The following GRIN2B variants were observed in gnomAD, a reference collection of about 807,000 sequenced individuals.
GRIN2B encodes glutamate receptor ionotropic, NMDA 2B.
Under a neutral mutation model 114.5 loss-of-function variants are expected in GRIN2B, and 5 were observed. That is an observed-to-expected ratio of 0.04 (90% CI 0.02 to 0.09). GRIN2B has a LOEUF of 0.09. GRIN2B is among the 10% of genes least tolerant of loss of function. The probability of loss-of-function intolerance (pLI) is 1.00; values close to 1 mark genes in which losing one functional copy is unlikely to be tolerated. For synonymous variants in GRIN2B, 787 were observed against 745.1 expected, an observed-to-expected ratio of 1.06 and a Z score of -0.92; for missense variants, 1,108 against 1,943.5, an observed-to-expected ratio of 0.57 and a Z score of 8.08.
At chr12:13,856,168 T>C (rs952672944) in intron 3 of GRIN2B, among the ~76,000 whole-genome samples, 1 of 152,088 alleles carries the variant, frequency 6.6e-6, no homozygotes, top group Non-Finnish European at 1.5e-5. Context: ...AAGAGGACAT[T>C]CTAAGAAGAG....
intron 3 of GRIN2B, among the ~76,000 whole-genome samples, chr12:13,801,376 T>G (rs1864509964): frequency 6.6e-6 from 1 of 152,116 alleles, no homozygotes; most frequent in South Asian, 2.1e-4. Flanking sequence ...CATCCCTATA[T>G]CTTTCTCTAC....
chr12:13,972,420 A>C (rs1862938566), intron 2 of GRIN2B, among the ~76,000 whole-genome samples: 1 of 96,690 alleles, frequency 1.0e-5, no homozygotes, highest in African/African-American at 2.7e-5. Flanking sequence ...CTGACTCCTA[A>C]GACCACCACC....
Position 13,938,862 on chromosome 12 carries a change from AT to A in GRIN2B, c.-19+41065del, listed in dbSNP as rs552177976. On this transcript the variant is annotated intron_variant, in intron 2 of 13. Transcript: ENST00000609686. Reference sequence around the variant, plus strand: ...AAAGTCATGGACCTGTACACTTAAAATACGTAAATTTTTGTGGCAATTTTAC... The same window carrying A: ...AAAGTCATGGACCTGTACACTTAAAAACGTAAATTTTTGTGGCAATTTTAC... 4.9e-4 allele frequency among the ~76,000 whole-genome samples: 75 copies of A among 152,346 alleles called. No individual in the cohort carries two copies. The South Asian group carries it at 0.015, about 31-fold the overall frequency.
At chr12:13,869,254 T>C (rs1313671265) in intron 2 of GRIN2B, among the ~76,000 whole-genome samples, 1 of 149,680 alleles carries the variant, frequency 6.7e-6, no homozygotes, top group Non-Finnish European at 1.5e-5. Context: ...TTTTTTTTTT[T>C]TTTTGGTGGG....
Position 13,576,245 on chromosome 12 carries a change from G to A in GRIN2B, c.2011-4281C>T, listed in dbSNP as rs187245210. ...TTTAGGGAGGCCCGTGGGGAAGAAG[G>A]AAAAATAATTTCCAAATATCCTGAT... On this transcript the variant is annotated intron_variant, in intron 10 of 13. Transcript: ENST00000609686. Among the ~76,000 whole-genome samples, 1,416 of 152,244 alleles carry A rather than the reference G, an allele frequency of 9.3e-3. 12 individuals are homozygous for A. Among genetic ancestry groups the A allele is most frequent in the Non-Finnish European group, 0.015 (987 of 68,008 alleles).
intron 2 of GRIN2B, among the ~76,000 whole-genome samples, chr12:13,930,150 C>CT (rs1866999994): frequency 6.6e-6 from 1 of 152,132 alleles, no homozygotes. Flanking sequence ...TGCCATTGCA[C>CT]TCCAGCCTGG....
chr12:13,873,066 T>TA (rs1565570740), intron 2 of GRIN2B, among the ~76,000 whole-genome samples: 2 of 152,208 alleles, frequency 1.3e-5, no homozygotes, highest in African/African-American at 4.8e-5. Flanking sequence ...TCTGAACCTA[T>TA]AATGAAACTG....
At chr12:13,642,590 C>G (rs1210354721) in intron 5 of GRIN2B, among the ~76,000 whole-genome samples, 2 of 152,198 alleles carry the variant, frequency 1.3e-5, no homozygotes, top group Non-Finnish European at 2.9e-5. Context: ...AAGATTACAA[C>G]TTCAAACACA....
intron 4 of GRIN2B, among the ~76,000 whole-genome samples, chr12:13,690,838 T>C (rs566892200): frequency 1.3e-5 from 2 of 152,294 alleles, no homozygotes; most frequent in East Asian, 1.9e-4. Flanking sequence ...ACTCAAAGCA[T>C]TGGGGGAATC....
At chr12:13,684,776 A>G (rs1591675128) in intron 4 of GRIN2B, among the ~76,000 whole-genome samples, 1 of 152,214 alleles carries the variant, frequency 6.6e-6, no homozygotes, top group East Asian at 1.9e-4. Context: ...GTAGGCTATC[A>G]AAACTAAGTG....
intron 4 of GRIN2B, among the ~76,000 whole-genome samples, chr12:13,703,903 T>G (rs1039727469): frequency 1.3e-5 from 2 of 152,162 alleles, no homozygotes; most frequent in East Asian, 3.9e-4. Flanking sequence ...ACATGCAGAT[T>G]CAAACTCAAC....
intron 4 of GRIN2B, among the ~76,000 whole-genome samples, chr12:13,691,006 TA>T (rs1329051245): frequency 2.6e-5 from 4 of 152,216 alleles, no homozygotes; most frequent in Non-Finnish European, 5.9e-5. Context: ...ATTTATTCAT[TA>T]TTTTTTTCTA....
chr12:13,654,714 C>G (rs982841060), intron 5 of GRIN2B, among the ~76,000 whole-genome samples: 4 of 152,122 alleles, frequency 2.6e-5, no homozygotes, highest in Non-Finnish European at 5.9e-5. Context: ...TTCTGGCCAT[C>G]CTGCTGGTGT....
chr12:13,575,515 C>T (rs1002404212), intron 10 of GRIN2B, among the ~76,000 whole-genome samples: 4 of 151,762 alleles, frequency 2.6e-5, no homozygotes, highest in East Asian at 3.9e-4. Context: ...AAAAATTAGC[C>T]GTGCGTGGTG....
chr12:13,749,437 T>G (rs1195504134), intron 4 of GRIN2B, among the ~76,000 whole-genome samples: 1 of 152,218 alleles, frequency 6.6e-6, no homozygotes, highest in African/African-American at 2.4e-5. Context: ...TTCCTAACCC[T>G]ACATCCCTAG....
At chr12:13,604,465 A>G (rs561931460) in intron 10 of GRIN2B, among the ~76,000 whole-genome samples, 7 of 152,336 alleles carry the variant, frequency 4.6e-5, no homozygotes, top group Non-Finnish European at 1.0e-4. Flanking sequence ...GCTCCAAGAT[A>G]TTTATCACTT....
At chr12:13,837,507 G>T (rs773386396) in intron 3 of GRIN2B, among the ~76,000 whole-genome samples, 2 of 152,196 alleles carry the variant, frequency 1.3e-5, no homozygotes, top group Non-Finnish European at 2.9e-5. Flanking sequence ...GCATTGGACA[G>T]AGTGTTTAGT....
chr12:13,692,629 T>C (rs913030012), intron 4 of GRIN2B, among the ~76,000 whole-genome samples: 1 of 152,006 alleles, frequency 6.6e-6, no homozygotes, highest in Non-Finnish European at 1.5e-5. Context: ...TGCCCTGTGA[T>C]GGGATGCCAT....
At chr12:13,926,103 T>G (rs1866906314) in intron 2 of GRIN2B, among the ~76,000 whole-genome samples, 1 of 151,968 alleles carries the variant, frequency 6.6e-6, no homozygotes, top group Non-Finnish European at 1.5e-5. Flanking sequence ...AGGGAATAAA[T>G]CCATCTGGGG....
Sources: allele counts gnomAD v4.1 joint callset (sites outside exome capture counted in the v4.1 genomes callset), GRCh38; gene constraint gnomAD v4.1.1; transcripts MANE v1.5; gene names NCBI Gene and HGNC (gene_info 2026-07-23, HGNC 2026-07-21).